Variants in KCNH7 observed in about 807,000 individuals in gnomAD.
KCNH7 encodes the protein potassium voltage-gated channel subfamily H member 7, also known as voltage-gated inwardly rectifying potassium channel KCNH7.
Under a neutral mutation model 120.8 loss-of-function variants are expected in KCNH7, and 49 were observed. That is an observed-to-expected ratio of 0.41 (90% confidence interval 0.32 to 0.51). KCNH7 has a LOEUF of 0.51. KCNH7 is among the 20% of genes least tolerant of loss of function. The pLI is 0.38. For missense variants in KCNH7, 1,097 were observed against 1,446.6 expected, an observed-to-expected ratio of 0.76 and a Z score of 3.92; for synonymous variants, 547 against 516.1, an observed-to-expected ratio of 1.06 and a Z score of -0.81.
At chr2:162,574,173 G>A (rs1693586843) in intron 2 of KCNH7, among the ~76,000 whole-genome samples, 1 of 151,916 alleles carries the variant, frequency 6.6e-6, no homozygotes, top group Non-Finnish European at 1.5e-5. Flanking sequence ...GTTTATATTT[G>A]TCACTGGACA....
At chr2:162,819,184 T>C (rs1573927301) in intron 2 of KCNH7, among the ~76,000 whole-genome samples, 1 of 152,114 alleles carries the variant, frequency 6.6e-6, no homozygotes, top group East Asian at 1.9e-4. Flanking sequence ...TATGAGGAAA[T>C]TGGAAAAATT....
chr2:162,666,619 A>T (rs1482082322), intron 2 of KCNH7, among the ~76,000 whole-genome samples: 1 of 152,066 alleles, frequency 6.6e-6, no homozygotes. Context: ...TAAGTGTTTT[A>T]TTTGTCCACT....
chr2:162,746,272 C>T (rs971296242), intron 2 of KCNH7, among the ~76,000 whole-genome samples: 1 of 151,926 alleles, frequency 6.6e-6, no homozygotes. Context: ...CTTAATAATG[C>T]TACGGTAAAA....
At chr2:162,568,979 T>A (rs1259877307) in intron 2 of KCNH7, among the ~76,000 whole-genome samples, 1 of 152,114 alleles carries the variant, frequency 6.6e-6, no homozygotes, top group Non-Finnish European at 1.5e-5. Flanking sequence ...GGGATATTGG[T>A]CTAAAATTCT....
chr2:162,690,212 C>G (rs904039252), intron 2 of KCNH7, among the ~76,000 whole-genome samples: 2 of 152,012 alleles, frequency 1.3e-5, no homozygotes, highest in African/African-American at 4.8e-5. Context: ...GGAAACAACA[C>G]ACGCTGACCT....
intron 2 of KCNH7, among the ~76,000 whole-genome samples, chr2:162,706,734 C>A (rs1402660571): frequency 2.0e-5 from 3 of 152,102 alleles, no homozygotes; most frequent in Non-Finnish European, 4.4e-5. Flanking sequence ...CATGGCACCA[C>A]CTCTGAAATG....
chr2:162,406,033 A>G (rs1687202947), intron 9 of KCNH7, among the ~76,000 whole-genome samples: 1 of 152,036 alleles, frequency 6.6e-6, no homozygotes, highest in African/African-American at 2.4e-5. Flanking sequence ...AAAGATAGCC[A>G]AATAGATTTA....
At chr2:162,771,818 A>C (rs891686905) in intron 2 of KCNH7, 1 of 152,124 alleles carries the variant, frequency 6.6e-6, no homozygotes, top group African/African-American at 2.4e-5. Context: ...AATTATTGTT[A>C]TAATACTATG....
At chr2:162,825,387 G>A (rs1438118271) in intron 2 of KCNH7, among the ~76,000 whole-genome samples, 1 of 151,618 alleles carries the variant, frequency 6.6e-6, no homozygotes, top group African/African-American at 2.4e-5. Context: ...AATTGAATTG[G>A]ATCACATTTA....
chr2:162,599,787 A>G (rs539067022), intron 2 of KCNH7, among the ~76,000 whole-genome samples: 3 of 152,172 alleles, frequency 2.0e-5, no homozygotes, highest in East Asian at 3.9e-4. Flanking sequence ...TACATTTTAT[A>G]AAGTCCAAAT....
chr2:162,629,009 A>C (rs1195097702), intron 2 of KCNH7, among the ~76,000 whole-genome samples: 2 of 152,110 alleles, frequency 1.3e-5, no homozygotes, highest in East Asian at 3.9e-4. Context: ...GATTGGGACA[A>C]GGCCAGAATC....
chr2:162,607,220 C>CAAAAAAAAA (rs34786286), intron 2 of KCNH7, among the ~76,000 whole-genome samples: 122 of 111,236 alleles, frequency 1.1e-3, no homozygotes, highest in Non-Finnish European at 1.9e-3. Context: ...ACTAAAAATA[C>CAAAAAAAAA]AAAAAAAAAA....
chr2:162,533,673 A>G (rs948960832), intron 3 of KCNH7, among the ~76,000 whole-genome samples: 4 of 151,764 alleles, frequency 2.6e-5, no homozygotes, highest in African/African-American at 9.7e-5. Flanking sequence ...AGCAATATTC[A>G]TAAAACAGAA....
chr2:162,403,716 T>C (rs1009135050), intron 9 of KCNH7, among the ~76,000 whole-genome samples: 4 of 151,972 alleles, frequency 2.6e-5, no homozygotes, highest in African/African-American at 9.7e-5. Flanking sequence ...ATTTTCTTAA[T>C]TTTCTTAAGT....
intron 2 of KCNH7, among the ~76,000 whole-genome samples, chr2:162,810,795 T>A (rs1684707846): frequency 1.3e-5 from 2 of 152,162 alleles, no homozygotes; most frequent in African/African-American, 4.8e-5. Context: ...TAAATTTAGT[T>A]CTAAAATCTG....
At chr2:162,631,480 CTT>C (rs1378591934) in intron 2 of KCNH7, among the ~76,000 whole-genome samples, 1 of 152,006 alleles carries the variant, frequency 6.6e-6, no homozygotes. Flanking sequence ...GTATTTAACT[CTT>C]AAGAGTAAAG....
Position 162,790,046 on chromosome 2 carries a change from TAGG to T in KCNH7, c.307+46488_307+46490del, listed in dbSNP as rs764100533. On this transcript the variant is annotated intron_variant, in intron 2 of 15. Coordinates refer to ENST00000332142, the MANE Select transcript of KCNH7 (RefSeq NM_033272.4). Reference sequence around the variant, plus strand: ...GAACAATAGATAAGATCAATAAAAATAGGAGTTGTTTTTTTAAGAAGATAAACA... The same window carrying T: ...GAACAATAGATAAGATCAATAAAAATAGTTGTTTTTTTAAGAAGATAAACA... Among the ~76,000 whole-genome samples the T allele has an allele frequency of 1.1e-4, 17 of 151,480 alleles. No individual in the cohort carries two copies. The South Asian group carries it at 3.5e-3, about 32-fold the overall frequency.
At chr2:162,484,248 C>CACAG (rs1333669546) in intron 6 of KCNH7, among the ~76,000 whole-genome samples, 2,783 of 148,854 alleles carry the variant, frequency 0.019, 83 homozygotes, top group East Asian at 0.088. Context: ...CACACACACA[C>CACAG]AGAGAGACAC....
chr2:162,497,925 A>G (rs930618975), intron 6 of KCNH7, among the ~76,000 whole-genome samples: 1 of 152,186 alleles, frequency 6.6e-6, no homozygotes, highest in African/African-American at 2.4e-5. Flanking sequence ...TTGGGAATCT[A>G]TTATGGCTCT....
Sources: gnomAD v4.1 joint callset for allele counts (sites outside exome capture counted in the v4.1 genomes callset) on GRCh38, gnomAD v4.1.1 for gene constraint, MANE v1.5 for transcripts, NCBI Gene and HGNC (gene_info 2026-07-23, HGNC 2026-07-21) for gene names.